Variants in UAP1L1 observed in about 807,000 individuals in gnomAD.
UAP1L1 encodes UDP-N-acetylhexosamine pyrophosphorylase-like protein 1.
In UAP1L1, 45 loss-of-function variants were observed where a neutral mutation model predicts 45.3. That is an observed-to-expected ratio of 0.99 (90% confidence interval 0.78 to 1.27). UAP1L1 has a LOEUF of 1.27. UAP1L1 is among the 50% of genes most tolerant of loss of function. The pLI is 0.00. For synonymous variants in UAP1L1, 323 were observed against 303.9 expected (o/e 1.06, Z -0.65); for missense variants, 667 against 694.0 (o/e 0.96, Z 0.44).
At position 137,083,187 on chromosome 9, in the gene UAP1L1, C is replaced by T. The variant is rs560073834; in HGVS notation, c.*458C>T. 1 of 167,142 alleles carries T rather than the reference C, an allele frequency of 6.0e-6. No homozygotes were observed. Among genetic ancestry groups the T allele is most frequent in the Non-Finnish European group, 1.3e-5 (1 of 75,920 alleles). The allele number at this position is 167,142 out of a possible 1,614,324, so 10.4% of individuals were successfully genotyped here. On this transcript the variant is annotated 3_prime_UTR_variant, in exon 9 of 9. Coordinates refer to ENST00000409858, the MANE Select transcript of UAP1L1 (RefSeq NM_207309.3). ...CGAGCACTAGAAGCTGCATAAGCTA[C>T]ACAGGATGTGCTTCTGCAGCCTACA...
Position 137,077,590 on chromosome 9 carries a change from C to T in UAP1L1, c.58C>T (p.Leu20=). 1 of 1,390,282 alleles carries T rather than the reference C, an allele frequency of 7.2e-7. No individual in the cohort carries two copies. The highest frequency in any genetic ancestry group is 9.4e-7 in the Non-Finnish European group (1 of 1,064,416). The allele number at this position is 1,390,282 out of a possible 1,614,324, so 86.1% of individuals were successfully genotyped here. A position where few individuals can be genotyped will look rare whatever the true frequency, so the allele number is the denominator to read the frequency against. ...RLQRAGQEHL[L]RFWAELAPEP... is the part of the protein sequence containing the mutation. Reference sequence around the variant, plus strand: ...GCAGCGCGCTGGCCAGGAGCACCTCCTGCGCTTCTGGGCCGAGCTGGCGCC... The same window carrying T: ...GCAGCGCGCTGGCCAGGAGCACCTCTTGCGCTTCTGGGCCGAGCTGGCGCC... Residue 20 remains leucine, a synonymous_variant, in exon 1 of 9, where the codon CTG becomes TTG. Transcript: ENST00000409858. This position sits in a 1 kb window ranked among gnomAD's most constrained non-coding sequence, Gnocchi z 4.7.
chr9:137,083,121 G>A lies in UAP1L1; in HGVS notation c.*392G>A, dbSNP rs762449087. The A allele has an allele frequency of 5.0e-6, 1 of 201,886 alleles. No homozygotes were observed. 12.5% of individuals were successfully genotyped at this position (201,886 alleles called of 1,614,324 possible). On this transcript the variant is annotated 3_prime_UTR_variant, in exon 9 of 9. Coordinates refer to ENST00000409858, the MANE Select transcript of UAP1L1 (RefSeq NM_207309.3). Reference sequence around the variant, plus strand: ...TCATCTGGGGAGAACAGGAGGGCATGTCCCTTTGGGAGCCCGCCTTGTGGA... The same window carrying A: ...TCATCTGGGGAGAACAGGAGGGCATATCCCTTTGGGAGCCCGCCTTGTGGA...
Position 137,082,629 on chromosome 9 carries a change from G to C in UAP1L1, c.1432-8G>C. On this transcript the variant is annotated splice_region_variant and splice_polypyrimidine_tract_variant and intron_variant, in intron 8 of 8. Transcript: ENST00000409858. This position sits in a 1 kb window ranked among gnomAD's most constrained non-coding sequence, Gnocchi z 5.7. ...GGTACTTGGCCATTGTCCCCTGCTC[G>C]TCTCCAGGGTTTAGAAGTGTACCTG... 1 of 1,550,716 alleles carries C rather than the reference G, an allele frequency of 6.4e-7. No individual in the cohort carries two copies. The highest frequency in any genetic ancestry group is 1.2e-5 in the South Asian group (1 of 84,050).
intron 5 of UAP1L1, 125 bp downstream of exon 5, chr9:137,079,574 A>G (rs1387403659): frequency 1.1e-6 from 1 of 919,562 alleles, no homozygotes; most frequent in Non-Finnish European, 1.6e-6. Context: ...GGCTGTGGTC[A>G]GGCACGGCTG....
chr9:137,080,246 G>A (rs1832769922), intron 6 of UAP1L1, 104 bp downstream of exon 6: 2 of 1,456,374 alleles, frequency 1.4e-6, no homozygotes, highest in Admixed American at 3.7e-5. Context: ...AGGGAGCCAA[G>A]GGCCCCGCGG....
At chr9:137,080,166 T>A in intron 6 of UAP1L1, 24 bp downstream of exon 6, 1 of 1,611,712 alleles carries the variant, frequency 6.2e-7, no homozygotes, top group Non-Finnish European at 8.5e-7. Context: ...CTCATTTATT[T>A]TCCCCTTCTT....
In UAP1L1 at chr9:137,082,834, G is replaced by T; in HGVS notation, c.*105G>T. ...CAGCCCCGGCGTCCTGGAGCTGGGG[G>T]CTACAGCCCAGCCTGAGCTCTGGGT... On this transcript the variant is annotated 3_prime_UTR_variant, in exon 9 of 9. Transcript: ENST00000409858. The surrounding 1 kb of genome is among the most constrained non-coding windows in gnomAD (Gnocchi z 5.7). 1.1e-6 allele frequency: 1 copy of T among 909,432 alleles called. No homozygotes were observed. The highest frequency in any genetic ancestry group is 1.7e-6 in the Non-Finnish European group (1 of 591,086). The allele number at this position is 909,432 out of a possible 1,614,324, so 56.3% of individuals were successfully genotyped here.
chr9:137,078,947 G>T, intron 3 of UAP1L1, 29 bp from the exon 4 acceptor site: 1 of 1,561,440 alleles, frequency 6.4e-7, no homozygotes, highest in Non-Finnish European at 8.6e-7. Context: ...GGGAGCCCTC[G>T]CGATGCCCAT....
intron 5 of UAP1L1, 47 bp from the exon 6 acceptor site, chr9:137,079,955 C>T (rs376209333): frequency 1.2e-6 from 2 of 1,607,426 alleles, no homozygotes; most frequent in Non-Finnish European, 1.7e-6. Flanking sequence ...CCAGCGGTGC[C>T]ATATCTGATC....
intron 3 of UAP1L1, 40 bp from the exon 4 acceptor site, chr9:137,078,936 C>A: frequency 6.4e-7 from 1 of 1,550,480 alleles, no homozygotes; most frequent in Non-Finnish European, 8.7e-7. Context: ...CGATCCCTGG[C>A]GGGAGCCCTC....
rs555757168 is a variant in UAP1L1, at chr9:137,079,167, G to A, written c.843+19G>A. The A allele has an allele frequency of 1.8e-5, 29 of 1,601,354 alleles. No individual in the cohort carries two copies. The East Asian group carries it at 5.6e-4, about 31-fold the overall frequency. On this transcript the variant is annotated intron_variant, in intron 4 of 8. Coordinates refer to ENST00000409858, the MANE Select transcript of UAP1L1 (RefSeq NM_207309.3). Reference sequence around the variant, plus strand: ...CGCCAAGGTTAGCGCCCGACTGCGCGGCGCCCCGCACCCGAGGCTGGCCCC... The same window carrying A: ...CGCCAAGGTTAGCGCCCGACTGCGCAGCGCCCCGCACCCGAGGCTGGCCCC...
chr9:137,078,819 C>T, intron 3 of UAP1L1, 142 bp downstream of exon 3: 7 of 1,306,718 alleles, frequency 5.4e-6, no homozygotes, highest in Non-Finnish European at 7.2e-6. Context: ...CCTTGATCGT[C>T]ATTTGTCACA....
At chr9:137,078,767 C>G in intron 3 of UAP1L1, 90 bp downstream of exon 3, 6 of 1,461,168 alleles carry the variant, frequency 4.1e-6, no homozygotes, top group Non-Finnish European at 5.5e-6. Context: ...CGCGGCTGCC[C>G]CGAGGCTGTG....
intron 6 of UAP1L1, 61 bp downstream of exon 6, chr9:137,080,203 C>T: frequency 6.3e-7 from 1 of 1,596,130 alleles, no homozygotes; most frequent in South Asian, 1.1e-5. Flanking sequence ...GTGGTGGGAA[C>T]TGAGGCGCAG....
At chr9:137,080,247 G>A in intron 6 of UAP1L1, 105 bp downstream of exon 6, 2 of 1,458,318 alleles carry the variant, frequency 1.4e-6, no homozygotes, top group Non-Finnish European at 1.9e-6. Context: ...GGGAGCCAAG[G>A]GCCCCGCGGG....
chr9:137,081,234 C>G (rs899619831), intron 7 of UAP1L1, among the ~76,000 whole-genome samples: 1 of 151,794 alleles, frequency 6.6e-6, no homozygotes, highest in African/African-American at 2.4e-5. Context: ...GAGTCTCGCT[C>G]TGTCGCCCAG....
Position 137,083,713 on chromosome 9 carries a change from G to C in UAP1L1, c.*984G>C, listed in dbSNP as rs1182343649. ...TGGCTGGGACAAGCCAGCTGCCCCA[G>C]GGTTCTTCCCCTGGTGATTCTCGCC... On this transcript the variant is annotated 3_prime_UTR_variant, in exon 9 of 9. Coordinates refer to ENST00000409858, the MANE Select transcript of UAP1L1 (RefSeq NM_207309.3). 6.6e-6 allele frequency: 1 copy of C among 152,272 alleles called. No individual in the cohort carries two copies. Among genetic ancestry groups the C allele is most frequent in the Non-Finnish European group, 1.5e-5 (1 of 68,068 alleles). 9.4% of individuals were successfully genotyped at this position (152,272 alleles called of 1,614,324 possible).
In UAP1L1 at chr9:137,080,054, G is replaced by A. The variant is rs753036099; in HGVS notation, c.1090G>A (p.Val364Met). Residue 364 changes from valine (V) to methionine (M), a missense_variant, in exon 6 of 9, where the codon GTG (valine) becomes ATG (methionine). Physicochemically the swap from Val to Met is conservative, Grantham distance 21. Transcript: ENST00000409858. The stretch of plus-strand genomic sequence containing the variant: ...CGTGGCTGTGAAGAAGGTCCCGTAT[G>A]TGGATGAGGAGGGGAATCTGGTAAA... The part of the protein sequence containing the change: ...PHVAVKKVPY[V>M]DEEGNLVKPL... 68 of 1,614,086 alleles carry A rather than the reference G, an allele frequency of 4.2e-5. No homozygotes were observed. The highest frequency in any genetic ancestry group is 5.3e-5 in the Non-Finnish European group (62 of 1,180,008).
intron 5 of UAP1L1, 117 bp downstream of exon 5, chr9:137,079,566 C>A: frequency 9.6e-7 from 1 of 1,038,258 alleles, no homozygotes; most frequent in Non-Finnish European, 1.4e-6. Context: ...TCAGGAGTGG[C>A]TGTGGTCAGG....
Sources: allele counts gnomAD v4.1 joint callset (sites outside exome capture counted in the v4.1 genomes callset), GRCh38; gene constraint gnomAD v4.1.1; non-coding constraint Gnocchi (gnomAD v3.1); transcripts MANE v1.5; gene names NCBI Gene and HGNC (gene_info 2026-07-23, HGNC 2026-07-21).